HOXA10: variants seen among roughly 807,000 people sequenced by gnomAD.
HOXA10 encodes the protein homeobox protein Hox-A10.
Under a neutral mutation model 29.7 loss-of-function variants are expected in HOXA10, and 12 were observed. The ratio of observed to expected loss-of-function variants is 0.40; its 90% CI spans 0.26 to 0.65. The LOEUF (loss-of-function observed/expected upper bound fraction) is 0.65. Ranked by LOEUF, HOXA10 falls within the 30% of genes least tolerant of loss-of-function variation. The pLI is 0.37. For missense variants in HOXA10, 656 were observed against 585.9 expected, an observed-to-expected ratio of 1.12 and a Z score of -1.24; for synonymous variants, 327 against 280.7, an observed-to-expected ratio of 1.16 and a Z score of -1.65.
At chr7:27,177,160 C>G (rs1483394540), upstream of HOXA10, among the ~76,000 whole-genome samples, 1 of 152,230 alleles carries the variant, frequency 6.6e-6, no homozygotes, top group East Asian at 1.9e-4. Flanking sequence ...AAAGGCTGCC[C>G]CAGCCGAAGA....
Position 27,173,608 on chromosome 7 carries a change from C to A in HOXA10, c.699G>T (p.Ala233=), listed in dbSNP as rs34283323. 5.8e-4 allele frequency: 887 copies of A among 1,531,886 alleles called. 4 individuals are homozygous for A. The African/African-American group carries it at 0.01, about 18-fold the overall frequency. The allele number at this position is 1,531,886 out of a possible 1,614,324, so 94.9% of individuals were successfully genotyped here. Residue 233 remains alanine (A), a synonymous_variant, in exon 1 of 2, where the codon GCG becomes GCT. Transcript: ENST00000283921. ...AKGYGSGGGG[A]QQLGAGPFPA... is the part of the protein sequence containing the mutation. ...GGAACGGGCCAGCCCCGAGTTGCTGCGCGCCGCCGCCGCCGCTGCCATAGC... is the reference window on the plus strand; with the variant it reads ...GGAACGGGCCAGCCCCGAGTTGCTGAGCGCCGCCGCCGCCGCTGCCATAGC...
intron 1 of HOXA10, chr7:27,172,413 C>T (rs1234460368): frequency 2.2e-5 from 13 of 584,674 alleles, no homozygotes; most frequent in Non-Finnish European, 3.3e-5. Flanking sequence ...TTTCCAAACA[C>T]CTGTTTTAGC....
chr7:27,171,931 G>A lies in HOXA10; in HGVS notation c.1201C>T (p.Arg401Trp). ...LKKMNRENRIRELTANFNFS is the reference protein window; with the variant it reads ...LKKMNRENRIWELTANFNFS ...AAATTAAAGTTGGCTGTGAGCTCCC[G>A]GATCCGGTTTTCTCGATTCATTTTC... is the stretch of plus-strand genomic sequence containing the variant. The change falls in exon 2 of 2, where the codon CGG becomes TGG. Residue 401 changes from arginine to tryptophan, a missense_variant. Around this residue, in one of 2 missense-constraint regions of HOXA10, gnomAD observed 62 missense variants for 94.0 expected, o/e 0.66. Coordinates refer to ENST00000283921, the MANE Select transcript of HOXA10 (RefSeq NM_018951.4). The A allele has an allele frequency of 1.2e-6, 2 of 1,614,136 alleles. No homozygotes were observed. Among genetic ancestry groups the A allele is most frequent in the Non-Finnish European group, 8.5e-7 (1 of 1,180,024 alleles).
chr7:27,173,448 G>T lies in HOXA10; in HGVS notation c.859C>A (p.Gln287Lys). ...GACGCGTGCGCCTCCTCGTCGCCCT[G>T]CGAGCCCCCGCCGCTGCCGCAAGCC... ...TLACGSGGGS[Q>K]GDEEAHASSS... Residue 287 changes from glutamine to lysine, a missense_variant, in exon 1 of 2, where the codon CAG becomes AAG. Coordinates refer to ENST00000283921, the MANE Select transcript of HOXA10 (RefSeq NM_018951.4). 6.5e-7 allele frequency: 1 copy of T among 1,530,332 alleles called. No individual in the cohort carries two copies. Among genetic ancestry groups the T allele is most frequent in the Non-Finnish European group, 8.8e-7 (1 of 1,141,264 alleles). 94.8% of individuals were successfully genotyped at this position (1,530,332 alleles called of 1,614,324 possible).
In HOXA10 at chr7:27,171,741, C is replaced by A; in HGVS notation, c.*158G>T. 1.2e-6 allele frequency: 1 copy of A among 815,182 alleles called. No individual in the cohort carries two copies. Among genetic ancestry groups the A allele is most frequent in the African/African-American group, 1.7e-5 (1 of 59,896 alleles). The allele number at this position is 815,182 out of a possible 1,614,324, so 50.5% of individuals were successfully genotyped here. On this transcript the variant is annotated 3_prime_UTR_variant, in exon 2 of 2. Transcript: ENST00000283921. ...AACACAAAGAAACAAAAAGTCAGAACAAACCAGCCCTGCACAGATGTAACG... is the reference window on the plus strand; with the variant it reads ...AACACAAAGAAACAAAAAGTCAGAAAAAACCAGCCCTGCACAGATGTAACG...
At chr7:27,175,688 C>T (rs1298068131), upstream of HOXA10, among the ~76,000 whole-genome samples, 1 of 152,182 alleles carries the variant, frequency 6.6e-6, no homozygotes, top group Admixed American at 6.5e-5. Flanking sequence ...CCCGGGAGGT[C>T]GCTGCCTTGC....
At chr7:27,177,377 C>T (rs994178076), upstream of HOXA10, among the ~76,000 whole-genome samples, 1 of 152,138 alleles carries the variant, frequency 6.6e-6, no homozygotes, top group Non-Finnish European at 1.5e-5. Context: ...CCTCTCTGGC[C>T]CAGGACTGCC....
intron 1 of HOXA10, chr7:27,179,497 CT>C: frequency 1.5e-6 from 1 of 666,496 alleles, no homozygotes; most frequent in Non-Finnish European, 2.8e-6. Context: ...CCTCCCCCTG[CT>C]TTCCAACCTT....
In HOXA10 at chr7:27,173,571, G is replaced by A; in HGVS notation, c.736C>T (p.Pro246Ser). 2 of 1,469,268 alleles carry A rather than the reference G, an allele frequency of 1.4e-6. No individual in the cohort carries two copies. The highest frequency in any genetic ancestry group is 1.4e-5 in the South Asian group (1 of 73,514). 91.0% of individuals were successfully genotyped at this position (1,469,268 alleles called of 1,614,324 possible). A position where few individuals can be genotyped will look rare whatever the true frequency, so the allele number is the denominator to read the frequency against. ...LGAGPFPAQP[P>S]GRGFDLPPAL... ...GGCGGGAGATCGAAACCGCGCCCCGGGGGCTGCGCGGGGAACGGGCCAGCC... is the reference window on the plus strand; with the variant it reads ...GGCGGGAGATCGAAACCGCGCCCCGAGGGCTGCGCGGGGAACGGGCCAGCC... The change falls in exon 1 of 2, where the codon CCG becomes TCG. Residue 246 changes from proline to serine, a missense_variant. Around this residue, in one of 2 missense-constraint regions of HOXA10, gnomAD observed 594 missense variants for 491.9 expected, o/e 1.21. Transcript: ENST00000283921.
Position 27,173,431 on chromosome 7 carries a change from C to A in HOXA10, c.876G>T (p.Ala292=), listed in dbSNP as rs1203004437. ...CCTCCGCGGCCGAGGACGACGCGTG[C>A]GCCTCCTCGTCGCCCTGCGAGCCCC... ...SGGGSQGDEE[A]HASSSAAEEL... is the part of the protein sequence containing the mutation. Residue 292 remains alanine, a synonymous_variant, in exon 1 of 2, where the codon GCG becomes GCT. Transcript: ENST00000283921. 19 of 1,597,490 alleles carry A rather than the reference C, an allele frequency of 1.2e-5. No individual in the cohort carries two copies. Among genetic ancestry groups the A allele is most frequent in the Non-Finnish European group, 1.6e-5 (19 of 1,174,484 alleles).
chr7:27,173,973 G>A lies in HOXA10; in HGVS notation c.334C>T (p.Pro112Ser), dbSNP rs747393933. Residue 112 changes from proline to serine, a missense_variant, in exon 1 of 2, where the codon CCC becomes TCC. Physicochemically the swap from Pro to Ser is moderately conservative, Grantham distance 74 (BLOSUM62 -1). Coordinates refer to ENST00000283921, the MANE Select transcript of HOXA10 (RefSeq NM_018951.4). ...GLGPGAHGYGPSPIDLWLDAP... is the reference protein window; with the variant it reads ...GLGPGAHGYGSSPIDLWLDAP... ...TCTAGCCACAGGTCTATGGGCGAGG[G>A]CCCGTAGCCGTGCGCCCCGGGACCT... The A allele has an allele frequency of 7.9e-6, 12 of 1,528,656 alleles. No homozygotes were observed. Among genetic ancestry groups the A allele is most frequent in the Non-Finnish European group, 4.4e-6 (5 of 1,142,296 alleles). 94.7% of individuals were successfully genotyped at this position (1,528,656 alleles called of 1,614,324 possible).
Sources: gnomAD v4.1 joint callset for allele counts (sites outside exome capture counted in the v4.1 genomes callset) on GRCh38, gnomAD v4.1.1 for gene constraint, gnomAD v4.1.1 regional missense constraint, MANE v1.5 for transcripts, NCBI Gene and HGNC (gene_info 2026-07-23, HGNC 2026-07-21) for gene names.